PTPRK: variants seen among roughly 807,000 people sequenced by gnomAD.
PTPRK encodes the protein protein tyrosine phosphatase receptor type K, also known as receptor-type tyrosine-protein phosphatase kappa.
PTPRK carries 75 observed loss-of-function variants against 178.0 expected under a neutral mutation model. The ratio of observed to expected loss-of-function variants is 0.42; its 90% CI spans 0.35 to 0.51. The LOEUF is 0.51. Among genes scored for constraint, PTPRK ranks in the 20% least tolerant of loss-of-function variants. The pLI is 0.02. For missense variants in PTPRK, 1,441 were observed against 1,797.8 expected (o/e 0.80, Z 3.59); for synonymous variants, 637 against 620.6 (o/e 1.03, Z -0.39).
intron 1 of PTPRK, among the ~76,000 whole-genome samples, chr6:128,398,104 C>T (rs1840565916): frequency 6.6e-6 from 1 of 152,156 alleles, no homozygotes; most frequent in African/African-American, 2.4e-5. Context: ...CAGAGATTTA[C>T]TGAAAATGAA....
chr6:128,231,869 C>T (rs1812356784), intron 5 of PTPRK, among the ~76,000 whole-genome samples: 1 of 152,138 alleles, frequency 6.6e-6, no homozygotes, highest in African/African-American at 2.4e-5. Context: ...ACTTCACTCT[C>T]ACATCTTCTC....
intron 13 of PTPRK, among the ~76,000 whole-genome samples, chr6:128,035,728 T>C (rs9482860): frequency 0.14 from 21,367 of 152,162 alleles, 1,698 homozygotes; most frequent in African/African-American, 0.19. Context: ...GTTCTCAGTA[T>C]AGCAGATAGT....
At chr6:128,408,326 T>C (rs1205564439) in intron 1 of PTPRK, among the ~76,000 whole-genome samples, 1 of 152,038 alleles carries the variant, frequency 6.6e-6, no homozygotes, top group Non-Finnish European at 1.5e-5. Flanking sequence ...AGGCGGAGGT[T>C]ACAGTGAGCC....
chr6:128,019,935 A>C (rs2114757290), intron 13 of PTPRK, among the ~76,000 whole-genome samples: 1 of 152,306 alleles, frequency 6.6e-6, no homozygotes, highest in South Asian at 2.1e-4. Context: ...TCATCTCAAA[A>C]GCAAAAATGC....
At chr6:128,322,805 A>G (rs1476110283) in intron 2 of PTPRK, among the ~76,000 whole-genome samples, 1 of 152,074 alleles carries the variant, frequency 6.6e-6, no homozygotes, top group African/African-American at 2.4e-5. Context: ...CAATGGAACC[A>G]TTTCTAATTT....
At chr6:128,318,535 C>T (rs1009557001) in intron 3 of PTPRK, among the ~76,000 whole-genome samples, 2 of 152,066 alleles carry the variant, frequency 1.3e-5, no homozygotes, top group African/African-American at 4.8e-5. Flanking sequence ...TATCACATTC[C>T]AATTTCTGGA....
chr6:128,060,085 C>T (rs1307681626), intron 13 of PTPRK, among the ~76,000 whole-genome samples: 1 of 151,888 alleles, frequency 6.6e-6, no homozygotes, highest in Admixed American at 6.6e-5. Flanking sequence ...TTCCGGGGTC[C>T]AATGTGAAGT....
At chr6:128,073,408 A>G (rs908206820) in intron 11 of PTPRK, among the ~76,000 whole-genome samples, 16 of 152,028 alleles carry the variant, frequency 1.1e-4, no homozygotes, top group Non-Finnish European at 2.4e-4. Context: ...ATGGGAATGC[A>G]GAGTGCTATT....
intron 1 of PTPRK, among the ~76,000 whole-genome samples, chr6:128,473,176 T>C (rs1014402550): frequency 3.9e-5 from 6 of 152,052 alleles, no homozygotes; most frequent in African/African-American, 1.4e-4. Context: ...TTCTCTTTCA[T>C]GACACTGCCA....
intron 7 of PTPRK, among the ~76,000 whole-genome samples, chr6:128,111,606 A>AAG (rs1268072483): frequency 6.6e-6 from 1 of 150,772 alleles, no homozygotes; most frequent in Non-Finnish European, 1.5e-5. Context: ...ATGTACCTAT[A>AAG]ACTGGGTTTT....
intron 16 of PTPRK, 32 bp downstream of exon 16, chr6:127,998,688 T>TC (rs767149398): frequency 1.3e-6 from 2 of 1,501,884 alleles, no homozygotes; most frequent in African/African-American, 2.8e-5. Context: ...TAGTTAAAAA[T>TC]CAAATTCAAT....
intron 1 of PTPRK, among the ~76,000 whole-genome samples, chr6:128,435,287 T>C (rs796075353): frequency 1.6e-4 from 25 of 152,310 alleles, no homozygotes; most frequent in African/African-American, 5.5e-4. Context: ...TTAAAACAAT[T>C]TCAAACTTTA....
At chr6:128,259,581 C>T (rs563464471) in intron 3 of PTPRK, among the ~76,000 whole-genome samples, 1 of 152,104 alleles carries the variant, frequency 6.6e-6, no homozygotes, top group African/African-American at 2.4e-5. Context: ...GGATTACTTT[C>T]ATTTTCTGTG....
chr6:128,213,376 T>C (rs1808601515), intron 6 of PTPRK, among the ~76,000 whole-genome samples: 1 of 152,050 alleles, frequency 6.6e-6, no homozygotes, highest in African/African-American at 2.4e-5. Flanking sequence ...ATTTGACACA[T>C]TTGGTATCCA....
chr6:128,478,394 T>G (rs181935064), intron 1 of PTPRK, among the ~76,000 whole-genome samples: 2 of 152,244 alleles, frequency 1.3e-5, no homozygotes, highest in Admixed American at 6.5e-5. Flanking sequence ...TTGGTACTTT[T>G]ATTTGATGTG....
At chr6:128,339,306 G>T (rs966096356) in intron 2 of PTPRK, among the ~76,000 whole-genome samples, 3 of 152,092 alleles carry the variant, frequency 2.0e-5, no homozygotes, top group African/African-American at 7.2e-5. Flanking sequence ...ACCCACAACA[G>T]ACTCTATCGG....
intron 6 of PTPRK, among the ~76,000 whole-genome samples, chr6:128,203,264 G>A (rs1291760681): frequency 6.6e-6 from 1 of 152,028 alleles, no homozygotes; most frequent in Non-Finnish European, 1.5e-5. Context: ...CAATGGAAAA[G>A]ACTTCAAAAC....
intron 3 of PTPRK, among the ~76,000 whole-genome samples, chr6:128,245,527 A>G (rs528353785): frequency 1.3e-5 from 2 of 152,110 alleles, no homozygotes; most frequent in Non-Finnish European, 2.9e-5. Context: ...ATCTGTCCCA[A>G]TCATAAACTA....
chr6:128,207,457 G>T (rs913248845), intron 6 of PTPRK, among the ~76,000 whole-genome samples: 1 of 152,102 alleles, frequency 6.6e-6, no homozygotes, highest in African/African-American at 2.4e-5. Flanking sequence ...TTAGGAAAAT[G>T]CACTCATTTA....
Sources: allele counts gnomAD v4.1 joint callset (sites outside exome capture counted in the v4.1 genomes callset), GRCh38; gene constraint gnomAD v4.1.1; transcripts MANE v1.5; gene names NCBI Gene and HGNC (gene_info 2026-07-23, HGNC 2026-07-21).